CAMK2D: variants seen among roughly 807,000 people sequenced by gnomAD.
CAMK2D encodes calcium/calmodulin dependent protein kinase II delta, also known as calcium/calmodulin-dependent protein kinase type II subunit delta.
CAMK2D carries 37 observed loss-of-function variants against 84.0 expected under a neutral mutation model. The ratio of observed to expected loss-of-function variants is 0.44; its 90% CI spans 0.34 to 0.58. The LOEUF (loss-of-function observed/expected upper bound fraction) is 0.58, where lower values mean the gene tolerates loss of function less well. CAMK2D is among the 20% of genes least tolerant of loss of function. The pLI, the probability that CAMK2D is intolerant of heterozygous loss-of-function variation, is 0.02. For synonymous variants in CAMK2D, 202 were observed against 212.5 expected, an observed-to-expected ratio of 0.95 and a Z score of 0.43; for missense variants, 448 against 652.5, an observed-to-expected ratio of 0.69 and a Z score of 3.41.
rs552284069 is a variant in CAMK2D, at chr4:113,500,226, T to A, written c.1135+237A>T. On this transcript the variant is annotated intron_variant, in intron 16 of 20. Coordinates refer to ENST00000511664, the MANE Select transcript of CAMK2D (RefSeq NM_001321571.2). ...TTGTCATTACTGCAATGTGCTAGAA[T>A]ATGCTACATGTCTACAGTTCAAAAT... Among the ~76,000 whole-genome samples the A allele has an allele frequency of 2.0e-5, 3 of 152,244 alleles. No homozygotes were observed. In the South Asian group the frequency reaches 6.2e-4, roughly 32 times the overall value.
intron 4 of CAMK2D, among the ~76,000 whole-genome samples, chr4:113,558,407 C>T (rs72678731): frequency 0.024 from 3,698 of 152,142 alleles, 68 homozygotes; most frequent in Non-Finnish European, 0.039. Context: ...AATTTGCTAT[C>T]ATTAAATTAT....
chr4:113,610,200 C>T (rs190715496), intron 3 of CAMK2D, among the ~76,000 whole-genome samples: 259 of 152,312 alleles, frequency 1.7e-3, no homozygotes, highest in African/African-American at 5.2e-3. Context: ...GCTCCTCTCC[C>T]TTTTCCCACC....
At chr4:113,527,463 T>C (rs375613964) in intron 8 of CAMK2D, among the ~76,000 whole-genome samples, 2 of 152,096 alleles carry the variant, frequency 1.3e-5, no homozygotes, top group African/African-American at 4.8e-5. Flanking sequence ...GTATACTTAA[T>C]AGACTATAGT....
intron 4 of CAMK2D, among the ~76,000 whole-genome samples, chr4:113,573,147 G>T (rs1478064268): frequency 1.3e-5 from 2 of 152,136 alleles, no homozygotes; most frequent in African/African-American, 4.8e-5. Context: ...CCAGTGACAC[G>T]TGTTTATCTA....
At chr4:113,700,444 A>C (rs527264956) in intron 2 of CAMK2D, among the ~76,000 whole-genome samples, 1 of 152,202 alleles carries the variant, frequency 6.6e-6, no homozygotes, top group Non-Finnish European at 1.5e-5. Flanking sequence ...CTCTGTGGGC[A>C]TGATTCTAAA....
At chr4:113,533,661 C>CT (rs141396283) in intron 7 of CAMK2D, among the ~76,000 whole-genome samples, 9,301 of 149,110 alleles carry the variant, frequency 0.062, 586 homozygotes, top group East Asian at 0.22. Flanking sequence ...TGGTAGTTAT[C>CT]TTTTTTTTTT....
At chr4:113,641,415 A>C (rs569251248) in intron 3 of CAMK2D, among the ~76,000 whole-genome samples, 3 of 152,352 alleles carry the variant, frequency 2.0e-5, no homozygotes, top group South Asian at 4.1e-4. Flanking sequence ...TATAATATTT[A>C]TATCTGCAGA....
At position 113,720,258 on chromosome 4, in the gene CAMK2D, C is replaced by T. The variant is rs115979153; in HGVS notation, c.160+39062G>A. Among the ~76,000 whole-genome samples the T allele has an allele frequency of 7.6e-3, 1,157 of 152,090 alleles. 5 individuals are homozygous for T. The highest frequency in any genetic ancestry group is 0.026 in the African/African-American group (1,090 of 41,508). ...CCAGTTAAAGGGTTCTGATTAACAACTCAGTAGTAGTAACCAAATTTAAGT... is the reference window on the plus strand; with the variant it reads ...CCAGTTAAAGGGTTCTGATTAACAATTCAGTAGTAGTAACCAAATTTAAGT... On this transcript the variant is annotated intron_variant, in intron 2 of 20. Coordinates refer to ENST00000511664, the MANE Select transcript of CAMK2D (RefSeq NM_001321571.2).
rs947616632 is a variant in CAMK2D, at chr4:113,616,825, A to G, written c.221-7619T>C. 1.7e-4 allele frequency among the ~76,000 whole-genome samples: 26 copies of G among 152,170 alleles called. 2 individuals carry two copies. Among genetic ancestry groups the G allele is most frequent in the Admixed American group, 1.6e-3 (24 of 15,270 alleles). On this transcript the variant is annotated intron_variant, in intron 3 of 20. Coordinates refer to ENST00000511664, the MANE Select transcript of CAMK2D (RefSeq NM_001321571.2). The stretch of plus-strand genomic sequence containing the variant: ...AATTTAAGGGTAAAGTAAATAATAG[A>G]TTTAGTAATATCTGGAAACATTCTT...
intron 4 of CAMK2D, among the ~76,000 whole-genome samples, chr4:113,580,548 T>A (rs758107974): frequency 6.6e-6 from 1 of 152,186 alleles, no homozygotes; most frequent in African/African-American, 2.4e-5. Flanking sequence ...GATTACTTCC[T>A]TAGCTGTAAA....
At chr4:113,588,240 C>T (rs1197425003) in intron 4 of CAMK2D, among the ~76,000 whole-genome samples, 8 of 152,172 alleles carry the variant, frequency 5.3e-5, no homozygotes, top group African/African-American at 9.6e-5. Flanking sequence ...TCAGGCTCCC[C>T]GGGTAATTGA....
intron 4 of CAMK2D, among the ~76,000 whole-genome samples, chr4:113,601,474 C>T (rs1256471485): frequency 6.6e-6 from 1 of 151,072 alleles, no homozygotes; most frequent in Admixed American, 6.6e-5. Context: ...TACTGGAAAA[C>T]CAGTATTTTT....
intron 9 of CAMK2D, among the ~76,000 whole-genome samples, chr4:113,516,665 A>G (rs1475080585): frequency 6.6e-6 from 1 of 152,242 alleles, no homozygotes; most frequent in Non-Finnish European, 1.5e-5. Flanking sequence ...AGAGTTCACG[A>G]GACATTATAG....
At chr4:113,674,606 C>T (rs187052489) in intron 2 of CAMK2D, among the ~76,000 whole-genome samples, 1 of 152,164 alleles carries the variant, frequency 6.6e-6, no homozygotes, top group East Asian at 1.9e-4. Flanking sequence ...AGCTGGCAGA[C>T]AAAAACCTGT....
At chr4:113,641,597 C>G (rs1230319535) in intron 3 of CAMK2D, among the ~76,000 whole-genome samples, 2 of 152,180 alleles carry the variant, frequency 1.3e-5, no homozygotes, top group Non-Finnish European at 1.5e-5. Flanking sequence ...ATAGAAAGTT[C>G]CTGGCTCAAA....
chr4:113,540,437 A>T (rs1332253207), intron 6 of CAMK2D, among the ~76,000 whole-genome samples: 1 of 152,186 alleles, frequency 6.6e-6, no homozygotes, highest in Non-Finnish European at 1.5e-5. Context: ...CTTCTAATGT[A>T]GCTAGCTGAC....
chr4:113,591,894 C>G (rs977753906), intron 4 of CAMK2D, among the ~76,000 whole-genome samples: 1 of 152,190 alleles, frequency 6.6e-6, no homozygotes, highest in African/African-American at 2.4e-5. Context: ...CCATTTCCTT[C>G]TGGGAGCTCA....
intron 16 of CAMK2D, among the ~76,000 whole-genome samples, chr4:113,469,619 C>A (rs1284482655): frequency 6.6e-6 from 1 of 152,164 alleles, no homozygotes; most frequent in Non-Finnish European, 1.5e-5. Flanking sequence ...TGTGTCAAGG[C>A]TATTTTTGAG....
At chr4:113,507,989 C>CAAAG (rs2098153943) in intron 13 of CAMK2D, among the ~76,000 whole-genome samples, 1 of 151,818 alleles carries the variant, frequency 6.6e-6, no homozygotes, top group Non-Finnish European at 1.5e-5. Flanking sequence ...TTTTTATTTT[C>CAAAG]AAAGAGAAAA....
Sources: gnomAD v4.1 joint callset for allele counts (sites outside exome capture counted in the v4.1 genomes callset) on GRCh38, gnomAD v4.1.1 for gene constraint, MANE v1.5 for transcripts, NCBI Gene and HGNC (gene_info 2026-07-23, HGNC 2026-07-21) for gene names.